The following EEA1 variants were observed in gnomAD, a reference collection of about 807,000 sequenced individuals.
The protein encoded by EEA1 is early endosome antigen 1, also known as early endosome antigen 1, 162kD.
A neutral mutation model predicts 209.2 loss-of-function variants in EEA1; 111 were observed. The observed-to-expected ratio is 0.53, with a 90% CI of 0.45 to 0.62. The LOEUF (loss-of-function observed/expected upper bound fraction) is 0.62. Ranked by LOEUF, EEA1 falls within the 20% of genes least tolerant of loss-of-function variation. EEA1 has a pLI of 0.00. For missense variants in EEA1, 1,343 were observed against 1,530.8 expected (o/e 0.88, Z 2.05); for synonymous variants, 536 against 540.6 (o/e 0.99, Z 0.12).
chr12:92,890,855 C>A (rs181170791), intron 2 of EEA1, among the ~76,000 whole-genome samples: 1 of 152,156 alleles, frequency 6.6e-6, no homozygotes, highest in African/African-American at 2.4e-5. Context: ...AGAAAGAGGA[C>A]ATATCCAGAA....
At chr12:92,777,852 A>G in intron 26 of EEA1, 89 bp downstream of exon 26, 1 of 1,398,172 alleles carries the variant, frequency 7.2e-7, no homozygotes, top group South Asian at 1.4e-5. Context: ...ACTTTTCTCA[A>G]GATTCTTCTA....
At chr12:92,825,945 TG>T (rs1181452709) in intron 13 of EEA1, among the ~76,000 whole-genome samples, 3 of 150,988 alleles carry the variant, frequency 2.0e-5, no homozygotes, top group African/African-American at 7.3e-5. Context: ...TACATTATGT[TG>T]GAAAAACTTT....
chr12:92,854,515 G>A (rs950971044), intron 5 of EEA1, among the ~76,000 whole-genome samples: 21 of 152,224 alleles, frequency 1.4e-4, no homozygotes, highest in South Asian at 4.1e-4. Context: ...TTATCATACC[G>A]CAGATCTGAG....
At chr12:92,888,164 T>C (rs1301303150) in intron 2 of EEA1, among the ~76,000 whole-genome samples, 3 of 152,184 alleles carry the variant, frequency 2.0e-5, no homozygotes. Flanking sequence ...GGTCTGTATG[T>C]AGAATTTTAT....
rs778908142 is a variant in EEA1 at position 92,832,614 on chromosome 12, T to C, written c.1152A>G (p.Val384=). The change falls in exon 11 of 29, where the codon GTA becomes GTG. Residue 384 remains valine, a synonymous_variant. Coordinates refer to ENST00000322349, the MANE Select transcript of EEA1 (RefSeq NM_003566.4). ...CCTTTAGATGCTGGTACTTGGTCTC[T>C]ACCTCAGATAATTCTTCTTTGAGCT... is the stretch of plus-strand genomic sequence containing the variant. ...TQKLKEELSE[V]ETKYQHLKAE... 2 of 1,614,088 alleles carry C rather than the reference T, an allele frequency of 1.2e-6. No individual in the cohort carries two copies. Among genetic ancestry groups the C allele is most frequent in the Non-Finnish European group, 1.7e-6 (2 of 1,179,986 alleles).
chr12:92,802,858 A>C, intron 18 of EEA1, 124 bp from the exon 19 acceptor site: 1 of 703,124 alleles, frequency 1.4e-6, no homozygotes, highest in South Asian at 2.4e-5. Context: ...ACAAGTAAAA[A>C]TAATTTAATT....
In EEA1 at chr12:92,781,991, G is replaced by A; in HGVS notation, c.3295C>T (p.Gln1099Ter). 6.2e-7 allele frequency: 1 copy of A among 1,613,232 alleles called. No individual in the cohort carries two copies. Among genetic ancestry groups the A allele is most frequent in the Non-Finnish European group, 8.5e-7 (1 of 1,179,462 alleles). The change falls in exon 23 of 29, where the codon CAG (glutamine) becomes TAG (stop). Residue 1099 changes from glutamine to a stop codon, truncating the protein, a stop_gained. Transcript: ENST00000322349. LOFTEE classifies it high-confidence loss of function. ...TCTTGTAGTGCTTTACATCGCTCCT[G>A]CAATTGCTGTTCTTTCTTTGCTGAA... ...QDSAKKEQQL[Q>*]ERCKALQDIQ...
At chr12:92,838,299 T>A (rs1347709654) in intron 10 of EEA1, among the ~76,000 whole-genome samples, 5 of 152,166 alleles carry the variant, frequency 3.3e-5, no homozygotes, top group Non-Finnish European at 7.3e-5. Context: ...CAATATCAAA[T>A]CATGTCCTTT....
chr12:92,835,709 C>T (rs1876901608), intron 10 of EEA1, among the ~76,000 whole-genome samples: 1 of 152,092 alleles, frequency 6.6e-6, no homozygotes, highest in Non-Finnish European at 1.5e-5. Context: ...CCGCGCCCGG[C>T]TGATAGTTTC....
intron 3 of EEA1, chr12:92,859,227 T>C: frequency 2.5e-6 from 4 of 1,613,016 alleles, no homozygotes; most frequent in Non-Finnish European, 2.5e-6. Context: ...ATGGCCACTT[T>C]GGTAGGGACA....
chr12:92,861,976 C>T (rs1245693206), intron 3 of EEA1, among the ~76,000 whole-genome samples: 1 of 152,140 alleles, frequency 6.6e-6, no homozygotes. Context: ...AAAAAGCTCA[C>T]TAATGCATCA....
chr12:92,842,857 A>G (rs1877228998), intron 9 of EEA1, among the ~76,000 whole-genome samples: 1 of 152,162 alleles, frequency 6.6e-6, no homozygotes, highest in Non-Finnish European at 1.5e-5. Flanking sequence ...CAAATTGCAA[A>G]CCTAAATTTA....
chr12:92,864,287 T>C (rs1272520215), intron 3 of EEA1, among the ~76,000 whole-genome samples: 1 of 152,190 alleles, frequency 6.6e-6, no homozygotes, highest in Non-Finnish European at 1.5e-5. Context: ...GAAACTTTTA[T>C]GCCCTCAGTG....
intron 9 of EEA1, among the ~76,000 whole-genome samples, chr12:92,847,406 G>A (rs1877431153): frequency 6.6e-6 from 1 of 151,960 alleles, no homozygotes; most frequent in South Asian, 2.1e-4. Flanking sequence ...AAAATAACTA[G>A]AATTGAATTT....
At chr12:92,829,933 T>TATTAA (rs1157424119) in intron 11 of EEA1, among the ~76,000 whole-genome samples, 1 of 150,656 alleles carries the variant, frequency 6.6e-6, no homozygotes, top group African/African-American at 2.4e-5. Flanking sequence ...AGTAAAATAT[T>TATTAA]AAAGATATGT....
chr12:92,912,860 A>T (rs1416705024), intron 1 of EEA1, among the ~76,000 whole-genome samples: 1 of 152,232 alleles, frequency 6.6e-6, no homozygotes, highest in Non-Finnish European at 1.5e-5. Flanking sequence ...CTGTTGCTAC[A>T]AAAGACATGA....
chr12:92,906,263 TG>T (rs1183842222), intron 1 of EEA1, among the ~76,000 whole-genome samples: 1 of 151,970 alleles, frequency 6.6e-6, no homozygotes, highest in Non-Finnish European at 1.5e-5. Flanking sequence ...GACTAATTTT[TG>T]TATTTTTTTT....
At chr12:92,834,137 G>C (rs1335782945) in intron 10 of EEA1, among the ~76,000 whole-genome samples, 1 of 151,964 alleles carries the variant, frequency 6.6e-6, no homozygotes, top group Non-Finnish European at 1.5e-5. Context: ...CCCCAACATG[G>C]GAAACGCAGC....
intron 2 of EEA1, 152 bp from the exon 3 acceptor site, chr12:92,865,139 T>A (rs1293149702): frequency 3.8e-6 from 2 of 531,050 alleles, no homozygotes; most frequent in Non-Finnish European, 6.2e-6. Flanking sequence ...AATTCTAGTA[T>A]CATGCAAAGA....
Sources: allele counts gnomAD v4.1 joint callset (sites outside exome capture counted in the v4.1 genomes callset), GRCh38; gene constraint gnomAD v4.1.1; transcripts MANE v1.5; gene names NCBI Gene and HGNC (gene_info 2026-07-23, HGNC 2026-07-21).